NEGR1: variants seen among roughly 807,000 people sequenced by gnomAD.
The protein encoded by NEGR1 is neuronal growth regulator 1.
NEGR1 carries 10 observed loss-of-function variants against 40.9 expected under a neutral mutation model. The ratio of observed to expected loss-of-function variants is 0.24; its 90% CI spans 0.15 to 0.42. The LOEUF (loss-of-function observed/expected upper bound fraction) is 0.42, where lower values mean the gene tolerates loss of function less well. Ranked by LOEUF, NEGR1 falls within the 10% of genes least tolerant of loss-of-function variation. NEGR1 has a pLI of 1.00. For missense variants in NEGR1, 352 were observed against 438.9 expected (o/e 0.80, Z 1.77); for synonymous variants, 185 against 166.8 (o/e 1.11, Z -0.84).
chr1:72,159,749 T>A (rs528434627), intron 1 of NEGR1, among the ~76,000 whole-genome samples: 1 of 152,152 alleles, frequency 6.6e-6, no homozygotes, highest in Admixed American at 6.6e-5. Flanking sequence ...GGGATACGAT[T>A]ACTCATATTT....
intron 3 of NEGR1, among the ~76,000 whole-genome samples, chr1:71,754,465 T>C (rs1253098341): frequency 5.3e-5 from 8 of 152,316 alleles, no homozygotes; most frequent in Middle Eastern, 3.4e-3. Flanking sequence ...GGGGAGGCAG[T>C]TTAGATGAAC....
At chr1:71,803,661 T>C (rs1443267530) in intron 2 of NEGR1, among the ~76,000 whole-genome samples, 1 of 152,206 alleles carries the variant, frequency 6.6e-6, no homozygotes, top group African/African-American at 2.4e-5. Flanking sequence ...TGTCCAAATA[T>C]AACCTTGTCA....
chr1:72,139,492 G>C (rs1650592657), intron 1 of NEGR1, among the ~76,000 whole-genome samples: 1 of 151,868 alleles, frequency 6.6e-6, no homozygotes, highest in South Asian at 2.1e-4. Context: ...TGTATAACTA[G>C]GGAATATTAA....
intron 1 of NEGR1, among the ~76,000 whole-genome samples, chr1:72,008,396 T>A (rs1443174246): frequency 2.6e-5 from 4 of 152,292 alleles, no homozygotes; most frequent in African/African-American, 9.6e-5. Flanking sequence ...CTAGTACACA[T>A]CATTACATTT....
chr1:71,829,820 C>A lies in NEGR1; in HGVS notation c.410-53523G>T, dbSNP rs909122967. Among the ~76,000 whole-genome samples the A allele has an allele frequency of 5.3e-5, 8 of 151,920 alleles. No individual in the cohort carries two copies. The South Asian group carries it at 1.7e-3, about 31-fold the overall frequency. Reference sequence around the variant, plus strand: ...ATGTGTAGTTCCATCCTAAATATTGCAGCACAATCCTTCTCAAGGTGGTTT... The same window carrying A: ...ATGTGTAGTTCCATCCTAAATATTGAAGCACAATCCTTCTCAAGGTGGTTT... On this transcript the variant is annotated intron_variant, in intron 2 of 6. Coordinates refer to ENST00000357731, the MANE Select transcript of NEGR1 (RefSeq NM_173808.3).
intron 1 of NEGR1, among the ~76,000 whole-genome samples, chr1:72,205,404 G>T (rs931024594): frequency 6.6e-6 from 1 of 151,230 alleles, no homozygotes; most frequent in Non-Finnish European, 1.5e-5. Flanking sequence ...AGATTGCCTT[G>T]GTAATCTCTA....
intron 4 of NEGR1, among the ~76,000 whole-genome samples, chr1:71,647,023 A>G (rs1013068065): frequency 6.6e-6 from 1 of 151,864 alleles, no homozygotes; most frequent in Admixed American, 6.6e-5. Context: ...GAAGTTGTTG[A>G]CTCGAGCCAT....
intron 4 of NEGR1, among the ~76,000 whole-genome samples, chr1:71,616,983 C>A (rs1195600911): frequency 6.6e-6 from 1 of 152,186 alleles, no homozygotes; most frequent in East Asian, 1.9e-4. Flanking sequence ...CCAACAAGGC[C>A]ATGAAAACTT....
chr1:71,735,450 A>G (rs1655014368), intron 3 of NEGR1, among the ~76,000 whole-genome samples: 1 of 152,050 alleles, frequency 6.6e-6, no homozygotes, highest in Admixed American at 6.6e-5. Context: ...TATTTAATGA[A>G]TGGTTGCTTA....
rs111545104 is a variant in NEGR1 at position 71,995,690 on chromosome 1, T to C, written c.177-60379A>G. On this transcript the variant is annotated intron_variant, in intron 1 of 6. Coordinates refer to ENST00000357731, the MANE Select transcript of NEGR1 (RefSeq NM_173808.3). Reference sequence around the variant, plus strand: ...CATTTTCAAGAAAATGCTGAAAAGATAAAACTTACGATTTCCATGTATGAA... The same window carrying C: ...CATTTTCAAGAAAATGCTGAAAAGACAAAACTTACGATTTCCATGTATGAA... Among the ~76,000 whole-genome samples, 331 of 152,284 alleles carry C rather than the reference T, an allele frequency of 2.2e-3. 1 individual carries two copies. Among genetic ancestry groups the C allele is most frequent in the African/African-American group, 7.6e-3 (315 of 41,580 alleles).
At chr1:71,636,569 A>G (rs1268764977) in intron 4 of NEGR1, among the ~76,000 whole-genome samples, 1 of 152,110 alleles carries the variant, frequency 6.6e-6, no homozygotes, top group Non-Finnish European at 1.5e-5. Context: ...AGCTTCTCCA[A>G]TGGAAAGGTT....
intron 1 of NEGR1, among the ~76,000 whole-genome samples, chr1:72,273,767 T>G (rs1488798237): frequency 2.0e-5 from 3 of 151,796 alleles, no homozygotes; most frequent in Non-Finnish European, 4.4e-5. Flanking sequence ...ATATTTCCAA[T>G]GTATATCTCT....
At chr1:71,643,752 C>A (rs1170592930) in intron 4 of NEGR1, among the ~76,000 whole-genome samples, 1 of 151,950 alleles carries the variant, frequency 6.6e-6, no homozygotes, top group African/African-American at 2.4e-5. Context: ...AATAAGAATT[C>A]AGAAATAATC....
At chr1:71,574,328 G>A (rs1423943831) in intron 6 of NEGR1, among the ~76,000 whole-genome samples, 1 of 152,152 alleles carries the variant, frequency 6.6e-6, no homozygotes, top group African/African-American at 2.4e-5. Flanking sequence ...GGAGTCTTGT[G>A]TTTTCTACCA....
chr1:71,788,163 T>G (rs1441042364), intron 2 of NEGR1, among the ~76,000 whole-genome samples: 2 of 151,772 alleles, frequency 1.3e-5, no homozygotes, highest in Admixed American at 6.6e-5. Flanking sequence ...GAACCTTTAT[T>G]TTTTTAAAAA....
intron 4 of NEGR1, among the ~76,000 whole-genome samples, chr1:71,656,274 A>G (rs1257847736): frequency 2.6e-5 from 4 of 152,222 alleles, no homozygotes; most frequent in African/African-American, 9.6e-5. Context: ...AAGGAAAGAC[A>G]GTTCTGATGG....
intron 3 of NEGR1, among the ~76,000 whole-genome samples, chr1:71,768,379 G>A (rs1387066415): frequency 1.3e-5 from 2 of 152,156 alleles, no homozygotes; most frequent in Admixed American, 1.3e-4. Context: ...TTATTTTGAA[G>A]TTTTGAGATT....
chr1:71,440,635 A>C (rs1004522825), intron 6 of NEGR1, among the ~76,000 whole-genome samples: 3 of 152,206 alleles, frequency 2.0e-5, no homozygotes, highest in Middle Eastern at 3.2e-3. Flanking sequence ...CAACAGCATC[A>C]ACCTCAGCTG....
intron 6 of NEGR1, among the ~76,000 whole-genome samples, chr1:71,590,065 T>TC (rs1447385677): frequency 6.6e-6 from 1 of 152,116 alleles, no homozygotes; most frequent in East Asian, 1.9e-4. Context: ...TGCTTGCCTC[T>TC]CTCTTTCTTC....
Sources: gnomAD v4.1 joint callset for allele counts (sites outside exome capture counted in the v4.1 genomes callset) on GRCh38, gnomAD v4.1.1 for gene constraint, MANE v1.5 for transcripts, NCBI Gene and HGNC (gene_info 2026-07-23, HGNC 2026-07-21) for gene names.